Variants in GALNTL6 observed in about 807,000 individuals in gnomAD.
The protein encoded by GALNTL6 is polypeptide N-acetylgalactosaminyltransferase-like 6.
GALNTL6 carries 46 observed loss-of-function variants against 73.7 expected under a neutral mutation model. That is an observed-to-expected ratio of 0.62 (90% CI 0.49 to 0.80). The LOEUF (loss-of-function observed/expected upper bound fraction) is 0.80, where lower values mean the gene tolerates loss of function less well. Among genes scored for constraint, GALNTL6 ranks in the 30% least tolerant of loss-of-function variants. GALNTL6 has a pLI of 0.00. For missense variants in GALNTL6, 604 were observed against 755.0 expected (o/e 0.80, Z 2.34); for synonymous variants, 259 against 263.7 (o/e 0.98, Z 0.17).
chr4:172,303,010 A>T (rs1033622613), intron 3 of GALNTL6, among the ~76,000 whole-genome samples: 3 of 151,436 alleles, frequency 2.0e-5, no homozygotes, highest in Non-Finnish European at 4.4e-5. Flanking sequence ...ATTTATTTTT[A>T]TTTTTTTGAA....
chr4:172,590,877 G>A (rs991380644), intron 5 of GALNTL6, among the ~76,000 whole-genome samples: 6 of 152,108 alleles, frequency 3.9e-5, no homozygotes, highest in African/African-American at 1.4e-4. Flanking sequence ...AATAGTGCAT[G>A]ATATGTGTAT....
At chr4:171,859,280 T>G (rs1311102175) in intron 2 of GALNTL6, among the ~76,000 whole-genome samples, 1 of 152,324 alleles carries the variant, frequency 6.6e-6, no homozygotes, top group African/African-American at 2.4e-5. Flanking sequence ...GTTCATAATA[T>G]GCTTATTGTG....
intron 2 of GALNTL6, among the ~76,000 whole-genome samples, chr4:172,102,785 A>G (rs1732555024): frequency 6.6e-6 from 1 of 152,184 alleles, no homozygotes; most frequent in African/African-American, 2.4e-5. Context: ...TCGCTAGGGA[A>G]TGATGCTCCC....
At chr4:171,883,171 T>C (rs961842866) in intron 2 of GALNTL6, among the ~76,000 whole-genome samples, 1 of 151,948 alleles carries the variant, frequency 6.6e-6, no homozygotes, top group Non-Finnish European at 1.5e-5. Flanking sequence ...ACAAACATGG[T>C]GAAACCTCGT....
At chr4:172,286,554 G>A (rs1180285115) in intron 3 of GALNTL6, among the ~76,000 whole-genome samples, 3 of 152,168 alleles carry the variant, frequency 2.0e-5, no homozygotes, top group Non-Finnish European at 4.4e-5. Flanking sequence ...TATAGATCAA[G>A]TTAAGGAATT....
At chr4:172,563,666 A>C (rs1336441749) in intron 5 of GALNTL6, among the ~76,000 whole-genome samples, 2 of 152,240 alleles carry the variant, frequency 1.3e-5, no homozygotes, top group African/African-American at 4.8e-5. Context: ...GCAGCTTTGT[A>C]TAGTAAGTCA....
chr4:171,891,692 A>G (rs2110927585), intron 2 of GALNTL6, among the ~76,000 whole-genome samples: 1 of 152,334 alleles, frequency 6.6e-6, no homozygotes, highest in South Asian at 2.1e-4. Flanking sequence ...ATGTTTAGGA[A>G]AAGTGTCAGA....
chr4:172,589,744 G>A (rs1378800689), intron 5 of GALNTL6, among the ~76,000 whole-genome samples: 1 of 152,150 alleles, frequency 6.6e-6, no homozygotes. Context: ...ATATTTTTCA[G>A]TCACTTTAAA....
chr4:172,646,897 A>G lies in GALNTL6; in HGVS notation c.554-162464A>G, dbSNP rs542564172. On this transcript the variant is annotated intron_variant, in intron 5 of 12. Transcript: ENST00000506823. ...TAGTCAATACAAATCTTGACATTAG[A>G]AAATTACAAGGAACAATTATTCTTC... 1.1e-4 allele frequency among the ~76,000 whole-genome samples: 17 copies of G among 152,230 alleles called. No homozygotes were observed. In the South Asian group the frequency reaches 3.5e-3, roughly 32 times the overall value.
intron 2 of GALNTL6, among the ~76,000 whole-genome samples, chr4:172,040,634 A>T (rs939644391): frequency 2.0e-5 from 3 of 152,126 alleles, no homozygotes; most frequent in African/African-American, 7.2e-5. Flanking sequence ...CATCATTTTG[A>T]TTAATTCTTA....
intron 3 of GALNTL6, among the ~76,000 whole-genome samples, chr4:172,232,006 A>AT (rs1408406230): frequency 1.3e-5 from 2 of 152,020 alleles, no homozygotes; most frequent in African/African-American, 2.4e-5. Flanking sequence ...ACATGGTAGA[A>AT]TTTTTTTTAT....
intron 2 of GALNTL6, among the ~76,000 whole-genome samples, chr4:172,222,199 T>G (rs1736699790): frequency 6.6e-6 from 1 of 151,890 alleles, no homozygotes; most frequent in Non-Finnish European, 1.5e-5. Context: ...TAATCTGACC[T>G]CTGCCTATGC....
At chr4:172,292,098 A>G (rs1739495795) in intron 3 of GALNTL6, among the ~76,000 whole-genome samples, 1 of 152,140 alleles carries the variant, frequency 6.6e-6, no homozygotes, top group African/African-American at 2.4e-5. Context: ...TCTAACTTTC[A>G]TAAACATGTA....
chr4:171,930,990 T>A (rs891494970), intron 2 of GALNTL6, among the ~76,000 whole-genome samples: 1 of 152,212 alleles, frequency 6.6e-6, no homozygotes, highest in Admixed American at 6.5e-5. Context: ...CTTGCTTAAG[T>A]CTTTAGTGGG....
intron 11 of GALNTL6, among the ~76,000 whole-genome samples, chr4:173,012,656 C>A (rs1376710846): frequency 2.0e-5 from 3 of 152,198 alleles, no homozygotes; most frequent in African/African-American, 7.2e-5. Flanking sequence ...CTTGGGGCAG[C>A]ATCTTGCACA....
At chr4:172,105,512 G>A (rs1732651485) in intron 2 of GALNTL6, among the ~76,000 whole-genome samples, 1 of 151,230 alleles carries the variant, frequency 6.6e-6, no homozygotes. Flanking sequence ...GTCCCAAAAA[G>A]GATAAATACA....
intron 2 of GALNTL6, among the ~76,000 whole-genome samples, chr4:172,095,254 A>G (rs1732317777): frequency 6.6e-6 from 1 of 152,138 alleles, no homozygotes; most frequent in Non-Finnish European, 1.5e-5. Context: ...TATCATCTCT[A>G]GGGCTCTGAG....
intron 5 of GALNTL6, among the ~76,000 whole-genome samples, chr4:172,760,670 A>G (rs1738029936): frequency 6.6e-6 from 1 of 152,126 alleles, no homozygotes; most frequent in South Asian, 2.1e-4. Context: ...AGGGTCAAGG[A>G]CACTGGTCCC....
chr4:172,374,024 G>A (rs370060099), intron 5 of GALNTL6, among the ~76,000 whole-genome samples: 27 of 152,308 alleles, frequency 1.8e-4, no homozygotes, highest in African/African-American at 5.8e-4. Context: ...TTGTTGGATC[G>A]TCTGGCTGGG....
Sources: gnomAD v4.1 joint callset for allele counts (sites outside exome capture counted in the v4.1 genomes callset) on GRCh38, gnomAD v4.1.1 for gene constraint, MANE v1.5 for transcripts, NCBI Gene and HGNC (gene_info 2026-07-23, HGNC 2026-07-21) for gene names.